Variants in CBR4 observed in about 807,000 individuals in gnomAD.
The protein encoded by CBR4 is carbonyl reductase 4.
In CBR4, 22 loss-of-function variants were observed where a neutral mutation model predicts 21.0. That is an observed-to-expected ratio of 1.05 (90% confidence interval 0.75 to 1.50). The LOEUF is 1.50. Among genes scored for constraint, CBR4 ranks in the 40% most tolerant of loss-of-function variants. The pLI, the probability that CBR4 is intolerant of heterozygous loss-of-function variation, is 0.00. For missense variants in CBR4, 302 were observed against 286.3 expected (o/e 1.05, Z -0.40); for synonymous variants, 100 against 104.4 (o/e 0.96, Z 0.26).
chr4:168,896,709 A>G, intron 2 of CBR4: 1 of 680,050 alleles, frequency 1.5e-6, no homozygotes, highest in South Asian at 1.8e-5. Flanking sequence ...TTAATTATAA[A>G]TGCTATGACC....
chr4:168,921,630 G>T, intron 2 of CBR4: 1 of 1,611,160 alleles, frequency 6.2e-7, no homozygotes, highest in Non-Finnish European at 8.5e-7. Context: ...TGAGAACGGG[G>T]TGCACTCTCT....
intron 2 of CBR4, among the ~76,000 whole-genome samples, chr4:168,923,104 T>C (rs1761909376): frequency 6.6e-6 from 1 of 152,250 alleles, no homozygotes; most frequent in African/African-American, 2.4e-5. Context: ...TGGTAGATGT[T>C]ATTCTTACTG....
At chr4:168,999,955 G>A (rs1730280178) in intron 4 of CBR4, among the ~76,000 whole-genome samples, 1 of 151,956 alleles carries the variant, frequency 6.6e-6, no homozygotes, top group Non-Finnish European at 1.5e-5. Flanking sequence ...CCTGTAATTT[G>A]GGGAGCTAGC....
chr4:169,002,022 T>C (rs1730489874), intron 4 of CBR4, 49 bp downstream of exon 4: 5 of 1,435,496 alleles, frequency 3.5e-6, no homozygotes, highest in Non-Finnish European at 3.8e-6. Flanking sequence ...ATGGCTTCCC[T>C]ATAAAACAAT....
chr4:168,960,986 G>A lies in CBR4; in HGVS notation n.169+41085C>T, dbSNP rs537206811. On this transcript the variant is annotated intron_variant and non_coding_transcript_variant, in intron 2 of 3. Transcript: ENST00000509108. ...TCTATCCAATCTCAAACTGCTTGCT[G>A]AGCAATTCCACAAGAGAATTTGATG... Among the ~76,000 whole-genome samples, 5 of 152,308 alleles carry A rather than the reference G, an allele frequency of 3.3e-5. No homozygotes were observed. In the South Asian group the frequency reaches 1.0e-3, roughly 32 times the overall value.
intron 2 of CBR4, among the ~76,000 whole-genome samples, chr4:168,895,766 A>C (rs952647428): frequency 6.6e-6 from 1 of 152,252 alleles, no homozygotes; most frequent in Non-Finnish European, 1.5e-5. Flanking sequence ...TGTTGTTCAA[A>C]GATCAACTGT....
chr4:168,959,561 CTTTT>C (rs750848079), intron 2 of CBR4, among the ~76,000 whole-genome samples: 2 of 50,876 alleles, frequency 3.9e-5, no homozygotes, highest in Non-Finnish European at 8.9e-5. Flanking sequence ...TTATCAATTT[CTTTT>C]TTTTTTTTTT....
intron 2 of CBR4, chr4:168,903,911 A>AGAAGGGT (rs1380739715): frequency 6.2e-7 from 1 of 1,613,320 alleles, no homozygotes. Flanking sequence ...CCTCAGGTAA[A>AGAAGGGT]GAAGGGTATA....
chr4:168,981,236 C>A (rs780977113), intron 2 of CBR4, among the ~76,000 whole-genome samples: 2 of 151,962 alleles, frequency 1.3e-5, no homozygotes, highest in African/African-American at 2.4e-5. Flanking sequence ...CCAGTCTCTA[C>A]TAAAAATGCA....
In CBR4 at chr4:168,896,999, T is replaced by C. The variant is rs1755339499; in HGVS notation, n.170-2234A>G. Among the ~76,000 whole-genome samples, 3 of 152,016 alleles carry C rather than the reference T, an allele frequency of 2.0e-5. No individual in the cohort carries two copies. In the South Asian group the frequency reaches 6.2e-4, roughly 32 times the overall value. ...AGTGCATGCCAACATGCCTGGCTAA[T>C]TTTGTATTTTTAGCAGAGATGGGGT... On this transcript the variant is annotated intron_variant and non_coding_transcript_variant, in intron 2 of 3. Transcript: ENST00000509108.
chr4:168,959,763 C>T (rs897447167), intron 2 of CBR4, among the ~76,000 whole-genome samples: 2 of 151,514 alleles, frequency 1.3e-5, no homozygotes, highest in Non-Finnish European at 2.9e-5. Flanking sequence ...TGGGGTTTCA[C>T]CTTGTTGGTC....
chr4:168,963,359 A>ATCTGAGAAGAACTT (rs1257378660), intron 2 of CBR4, among the ~76,000 whole-genome samples: 1 of 152,208 alleles, frequency 6.6e-6, no homozygotes, highest in Non-Finnish European at 1.5e-5. Context: ...AGAGTTACTT[A>ATCTGAGAAGAACTT]CTCATTCAGA....
chr4:168,984,962 G>C (rs918727075), downstream of CBR4, among the ~76,000 whole-genome samples: 1 of 152,080 alleles, frequency 6.6e-6, no homozygotes, highest in African/African-American at 2.4e-5. Context: ...AAAAACCCTA[G>C]AAGAAAACCT....
chr4:168,956,416 A>G (rs1472555250), intron 2 of CBR4, among the ~76,000 whole-genome samples: 1 of 151,612 alleles, frequency 6.6e-6, no homozygotes, highest in Non-Finnish European at 1.5e-5. Flanking sequence ...GCAACATGGC[A>G]GAACCCTGTC....
intron 4 of CBR4, among the ~76,000 whole-genome samples, chr4:168,996,381 A>G (rs897946460): frequency 2.0e-5 from 3 of 152,172 alleles, no homozygotes; most frequent in Non-Finnish European, 4.4e-5. Flanking sequence ...CACAACGTTC[A>G]GATAGATCCC....
chr4:168,945,567 A>T (rs1347351819), intron 2 of CBR4, among the ~76,000 whole-genome samples: 1 of 152,028 alleles, frequency 6.6e-6, no homozygotes, highest in Non-Finnish European at 1.5e-5. Context: ...TGATTTGTTC[A>T]GGCTCCCAAG....
At chr4:169,005,089 T>G (rs566163428) in intron 3 of CBR4, among the ~76,000 whole-genome samples, 100 of 152,232 alleles carry the variant, frequency 6.6e-4, no homozygotes, top group African/African-American at 2.4e-3. Context: ...CATTATATAT[T>G]GTAGGCCAAT....
chr4:169,009,113 A>C (rs1030278505), intron 1 of CBR4: 2 of 441,856 alleles, frequency 4.5e-6, no homozygotes, highest in African/African-American at 4.1e-5. Context: ...CACAAGACGC[A>C]CCCCTAGGCC....
intron 2 of CBR4, among the ~76,000 whole-genome samples, chr4:168,942,725 C>G (rs1284698074): frequency 5.3e-5 from 8 of 152,070 alleles, no homozygotes; most frequent in Non-Finnish European, 1.2e-4. Flanking sequence ...AAACTCTTCA[C>G]CTGACAGGGG....
Sources: gnomAD v4.1 joint callset for allele counts (sites outside exome capture counted in the v4.1 genomes callset) on GRCh38, gnomAD v4.1.1 for gene constraint, MANE v1.5 for transcripts, NCBI Gene and HGNC (gene_info 2026-07-23, HGNC 2026-07-21) for gene names.